TMEM71: variants seen among roughly 807,000 people sequenced by gnomAD.
TMEM71 encodes transmembrane protein 71.
In TMEM71, 44 loss-of-function variants were observed where a neutral mutation model predicts 38.0. The observed-to-expected ratio is 1.16, with a 90% CI of 0.91 to 1.49. TMEM71 has a LOEUF of 1.49. TMEM71 is among the 40% of genes most tolerant of loss of function. The probability of loss-of-function intolerance (pLI) is 0.00; values close to 1 mark genes in which losing one functional copy is unlikely to be tolerated. For synonymous variants in TMEM71, 133 were observed against 122.5 expected, an observed-to-expected ratio of 1.09 and a Z score of -0.56; for missense variants, 367 against 348.6, an observed-to-expected ratio of 1.05 and a Z score of -0.42.
chr8:132,709,049 A>C (rs538586621), downstream of TMEM71, among the ~76,000 whole-genome samples: 1 of 152,356 alleles, frequency 6.6e-6, no homozygotes, highest in East Asian at 1.9e-4. Context: ...TGTCCTTGTC[A>C]ACAATGAAGC....
At chr8:132,735,248 A>G (rs1175366445) in intron 5 of TMEM71, among the ~76,000 whole-genome samples, 2 of 152,370 alleles carry the variant, frequency 1.3e-5, no homozygotes, top group Admixed American at 1.3e-4. Flanking sequence ...GTGTCAACAC[A>G]GCTGGGAAAG....
intron 5 of TMEM71, among the ~76,000 whole-genome samples, chr8:132,731,189 C>T (rs1450843042): frequency 6.6e-6 from 1 of 152,018 alleles, no homozygotes; most frequent in African/African-American, 2.4e-5. Flanking sequence ...TGTAAACATA[C>T]CAACATATAG....
chr8:132,749,328 A>G (rs1828562626), intron 4 of TMEM71, among the ~76,000 whole-genome samples: 2 of 152,206 alleles, frequency 1.3e-5, no homozygotes, highest in South Asian at 4.1e-4. Flanking sequence ...AATTCAAAAT[A>G]ATTTTAGGAA....
Position 132,734,892 on chromosome 8 carries a change from T to C in TMEM71, c.488-6906A>G, listed in dbSNP as rs951773371. Among the ~76,000 whole-genome samples, 3 of 152,264 alleles carry C rather than the reference T, an allele frequency of 2.0e-5. No homozygotes were observed. The East Asian group carries it at 5.8e-4, about 29-fold the overall frequency. Reference sequence around the variant, plus strand: ...TCTGTTGGGAAGATTCTGTATCTTCTAAGCACATCTTCCATATCCTTTTAT... The same window carrying C: ...TCTGTTGGGAAGATTCTGTATCTTCCAAGCACATCTTCCATATCCTTTTAT... On this transcript the variant is annotated intron_variant, in intron 5 of 9. Coordinates refer to ENST00000677595, the MANE Select transcript of TMEM71 (RefSeq NM_001382403.1).
intron 7 of TMEM71, among the ~76,000 whole-genome samples, chr8:132,716,345 G>T (rs957219381): frequency 6.6e-6 from 1 of 152,150 alleles, no homozygotes; most frequent in Non-Finnish European, 1.5e-5. Flanking sequence ...GCTTGTAAAG[G>T]CTCAATATAT....
At chr8:132,769,423 C>T in the TMEM71 span, among the ~76,000 whole-genome samples, 1 of 152,188 alleles carries the variant, frequency 6.6e-6, no homozygotes, top group African/African-American at 2.4e-5. Context: ...TTCCTGTTCC[C>T]TTACTCTACA....
intron 9 of TMEM71, among the ~76,000 whole-genome samples, 156 bp from the exon 10 acceptor site, chr8:132,711,138 C>T (rs1022235768): frequency 1.3e-5 from 2 of 152,126 alleles, no homozygotes; most frequent in African/African-American, 4.8e-5. Context: ...AAGAGTGCAG[C>T]CTCAACTAAG....
the TMEM71 span, among the ~76,000 whole-genome samples, chr8:132,768,189 G>C: frequency 2.5e-4 from 38 of 152,158 alleles, no homozygotes; most frequent in Non-Finnish European, 5.9e-5. Context: ...TAGAGAATGA[G>C]ATTTTGGATG....
intron 5 of TMEM71, among the ~76,000 whole-genome samples, chr8:132,742,453 C>T (rs966810158): frequency 6.6e-6 from 1 of 152,232 alleles, no homozygotes; most frequent in African/African-American, 2.4e-5. Flanking sequence ...CCTCTAGGTA[C>T]AGCTAACACT....
At chr8:132,737,793 T>TCTTC (rs1267836553) in intron 5 of TMEM71, among the ~76,000 whole-genome samples, 3 of 152,238 alleles carry the variant, frequency 2.0e-5, no homozygotes, top group African/African-American at 7.2e-5. Context: ...ACCGCTCCTT[T>TCTTC]CTTCTCATTC....
At chr8:132,767,559 C>G in the TMEM71 span, among the ~76,000 whole-genome samples, 1 of 151,076 alleles carries the variant, frequency 6.6e-6, no homozygotes, top group South Asian at 2.1e-4. Context: ...ACTGCAACCT[C>G]TGCTTCCCGG....
chr8:132,769,648 T>C, the TMEM71 span, among the ~76,000 whole-genome samples: 3 of 152,192 alleles, frequency 2.0e-5, no homozygotes, highest in South Asian at 6.2e-4. Flanking sequence ...ATGAGAGAGA[T>C]GATCTCTGTC....
the TMEM71 span, among the ~76,000 whole-genome samples, chr8:132,767,427 C>T: frequency 0.31 from 46,124 of 150,932 alleles, 7,555 homozygotes; most frequent in South Asian, 0.47. Context: ...AGTCAGCTTC[C>T]TGTGTCAATA....
chr8:132,749,599 A>G (rs1828579677), intron 4 of TMEM71, among the ~76,000 whole-genome samples: 2 of 152,188 alleles, frequency 1.3e-5, no homozygotes, highest in Non-Finnish European at 1.5e-5. Context: ...CACAGCCTCT[A>G]CAAGGCTCGC....
At chr8:132,709,885 G>T (rs1047836251), downstream of TMEM71, 1 of 151,568 alleles carries the variant, frequency 6.6e-6, no homozygotes, top group Non-Finnish European at 1.5e-5. Context: ...ATGATGTTCT[G>T]CCATGATTTC....
chr8:132,758,141 A>G (rs1829135614), intron 2 of TMEM71: 1 of 152,238 alleles, frequency 6.6e-6, no homozygotes, highest in Admixed American at 6.5e-5. Flanking sequence ...AAAGACTGTG[A>G]GTATTCTTAA....
In TMEM71 at chr8:132,732,062, T is replaced by C. The variant is rs77825699; in HGVS notation, c.488-4076A>G. On this transcript the variant is annotated intron_variant, in intron 5 of 9. Coordinates refer to ENST00000677595, the MANE Select transcript of TMEM71 (RefSeq NM_001382403.1). ...CATTCAATGCAGTTATTGTATATAC[T>C]GCAAATGCTGCTCTGGAAGAAGGAA... 5.4e-4 allele frequency among the ~76,000 whole-genome samples: 83 copies of C among 152,294 alleles called. No individual in the cohort carries two copies. The East Asian group carries it at 0.014, about 25-fold the overall frequency.
At chr8:132,717,773 T>C (rs1012689893) in intron 7 of TMEM71, among the ~76,000 whole-genome samples, 1 of 152,196 alleles carries the variant, frequency 6.6e-6, no homozygotes, top group African/African-American at 2.4e-5. Context: ...AAACTGTATG[T>C]CCATACAAAA....
chr8:132,726,297 T>C (rs1354208493), intron 6 of TMEM71, among the ~76,000 whole-genome samples: 2 of 151,958 alleles, frequency 1.3e-5, no homozygotes, highest in Non-Finnish European at 2.9e-5. Flanking sequence ...ACTTATCTAG[T>C]AGCTGCACTA....
Sources: gnomAD v4.1 joint callset for allele counts (sites outside exome capture counted in the v4.1 genomes callset) on GRCh38, gnomAD v4.1.1 for gene constraint, MANE v1.5 for transcripts, NCBI Gene and HGNC (gene_info 2026-07-23, HGNC 2026-07-21) for gene names.